TSPAN7: variants seen among roughly 807,000 people sequenced by gnomAD.
TSPAN7 encodes the protein tetraspanin-7.
Under a neutral mutation model 17.6 loss-of-function variants are expected in TSPAN7, and 1 was observed. The observed-to-expected ratio is 0.06, with a 90% CI of 0.02 to 0.27. TSPAN7 has a LOEUF of 0.27. Among genes scored for constraint, TSPAN7 ranks in the 10% least tolerant of loss-of-function variants. The pLI is 1.00. For missense variants in TSPAN7, 112 were observed against 201.7 expected (o/e 0.56, Z 2.69); for synonymous variants, 78 against 79.0 (o/e 0.99, Z 0.07).
intron 1 of TSPAN7, among the ~76,000 whole-genome samples, chrX:38,580,037 T>C (rs1315977248): frequency 8.9e-6 from 1 of 112,751 alleles, no homozygotes; most frequent in African/African-American, 3.2e-5. Flanking sequence ...TTGCTCAACA[T>C]TGTTTAATAT....
chrX:38,621,761 A>G (rs2069489802), intron 1 of TSPAN7, among the ~76,000 whole-genome samples: 1 of 112,260 alleles, frequency 8.9e-6, no homozygotes, highest in African/African-American at 3.2e-5. Context: ...ATAAAAATGC[A>G]GTAGCTTCCT....
At chrX:38,673,962 G>C (rs1487625390) in intron 3 of TSPAN7, among the ~76,000 whole-genome samples, 1 of 111,475 alleles carries the variant, frequency 9.0e-6, no homozygotes, top group Non-Finnish European at 1.9e-5. Flanking sequence ...AAATGGACAG[G>C]CCCCTCCAGT....
At chrX:38,674,433 C>T (rs2069840591) in intron 4 of TSPAN7, 117 bp downstream of exon 4, 8 of 641,968 alleles carry the variant, frequency 1.2e-5, no homozygotes, top group Non-Finnish European at 1.5e-5. Flanking sequence ...AACTCTTAGT[C>T]CAGTTCCATT....
chrX:38,655,033 C>T (rs773955245), intron 1 of TSPAN7, among the ~76,000 whole-genome samples: 1 of 112,009 alleles, frequency 8.9e-6, no homozygotes, highest in East Asian at 2.8e-4. Flanking sequence ...GAGGCTGCAG[C>T]AGAGTGAACC....
intron 1 of TSPAN7, among the ~76,000 whole-genome samples, chrX:38,601,721 G>A (rs1034218075): frequency 3.0e-4 from 33 of 111,726 alleles, no homozygotes; most frequent in African/African-American, 1.1e-3. Context: ...CCCAAACTTC[G>A]CAGCTGAAGA....
At chrX:38,653,187 T>A (rs764583418) in intron 1 of TSPAN7, among the ~76,000 whole-genome samples, 23 of 112,088 alleles carry the variant, frequency 2.1e-4, no homozygotes, top group African/African-American at 7.4e-4. Flanking sequence ...ATAAATGTGA[T>A]GAAGCGTATA....
intron 1 of TSPAN7, among the ~76,000 whole-genome samples, chrX:38,595,561 C>G (rs758105759): frequency 1.5e-4 from 17 of 111,845 alleles, no homozygotes; most frequent in Admixed American, 1.1e-3. Context: ...GAGAAGAAGT[C>G]AAATGAAGAC....
intron 1 of TSPAN7, among the ~76,000 whole-genome samples, chrX:38,603,663 A>AC (rs2069359277): frequency 9.0e-6 from 1 of 111,437 alleles, no homozygotes; most frequent in East Asian, 2.8e-4. Flanking sequence ...CCATTTGTAT[A>AC]AAATGATCCA....
chrX:38,654,533 T>TA (rs2069691312), intron 1 of TSPAN7, among the ~76,000 whole-genome samples: 1 of 112,509 alleles, frequency 8.9e-6, no homozygotes, highest in Admixed American at 9.4e-5. Context: ...TGAGTGCAAC[T>TA]GCCAGGGCCT....
intron 1 of TSPAN7, among the ~76,000 whole-genome samples, chrX:38,657,456 T>C (rs2069711181): frequency 1.8e-5 from 2 of 111,951 alleles, no homozygotes; most frequent in African/African-American, 6.5e-5. Context: ...ATTCAGTCTC[T>C]AGCCAGCCAC....
At chrX:38,584,663 G>C (rs1488172326) in intron 1 of TSPAN7, among the ~76,000 whole-genome samples, 1 of 111,853 alleles carries the variant, frequency 8.9e-6, no homozygotes, top group Admixed American at 9.5e-5. Flanking sequence ...GTAAAAGGCT[G>C]CAAAAATATT....
intron 1 of TSPAN7, among the ~76,000 whole-genome samples, chrX:38,593,024 G>C (rs1418769921): frequency 2.7e-5 from 3 of 109,848 alleles, no homozygotes; most frequent in Non-Finnish European, 5.7e-5. Context: ...AGATATTTTT[G>C]CTAGTATAGA....
At chrX:38,574,064 C>T (rs1041721626) in intron 1 of TSPAN7, among the ~76,000 whole-genome samples, 1 of 112,118 alleles carries the variant, frequency 8.9e-6, no homozygotes, top group Non-Finnish European at 1.9e-5. Context: ...GAGTTATGTT[C>T]TACCTCCTTA....
rs757685320 is a variant in TSPAN7 at position 38,688,007 on chromosome X, A to G, written c.*76A>G. 1.8e-3 allele frequency: 335 copies of G among 181,427 alleles called. No individual in the cohort carries two copies. The highest frequency in any genetic ancestry group is 9.7e-3 in the African/African-American group (326 of 33,552). 15.0% of individuals were successfully genotyped at this position (181,427 alleles called of 1,213,427 possible). On this transcript the variant is annotated 3_prime_UTR_variant, in exon 8 of 8. Coordinates refer to ENST00000378482, the MANE Select transcript of TSPAN7 (RefSeq NM_004615.4). ...CTGCAGCAATCTTTGAAAGACTTCCAAAGAATGTTAGAGCACAGTACATAA... is the reference window on the plus strand; with the variant it reads ...CTGCAGCAATCTTTGAAAGACTTCCGAAGAATGTTAGAGCACAGTACATAA...
chrX:38,591,325 T>TGGAGATTTTTCC (rs1165692925), intron 1 of TSPAN7, among the ~76,000 whole-genome samples: 5 of 111,877 alleles, frequency 4.5e-5, no homozygotes, highest in Non-Finnish European at 7.5e-5. Context: ...CATTTTCAAA[T>TGGAGATTTTTCC]GGAGATTTTT....
At chrX:38,661,473 C>G (rs1248274492) in intron 1 of TSPAN7, among the ~76,000 whole-genome samples, 2 of 112,024 alleles carry the variant, frequency 1.8e-5, no homozygotes, top group African/African-American at 6.5e-5. Context: ...TGTAAGCACA[C>G]AGAAAATGAG....
At chrX:38,568,997 AAT>A (rs1220893500) in intron 1 of TSPAN7, among the ~76,000 whole-genome samples, 1 of 111,061 alleles carries the variant, frequency 9.0e-6, no homozygotes, top group Non-Finnish European at 1.9e-5. Flanking sequence ...TCTCTCTGAA[AAT>A]ATTAGTAATT....
At chrX:38,671,948 T>G (rs1352569365) in intron 3 of TSPAN7, among the ~76,000 whole-genome samples, 2 of 111,036 alleles carry the variant, frequency 1.8e-5, no homozygotes, top group African/African-American at 6.6e-5. Flanking sequence ...CTTAGGAGGC[T>G]GAGGAGGGAG....
At chrX:38,681,406 T>G in intron 6 of TSPAN7, 119 bp downstream of exon 6, 2 of 605,607 alleles carry the variant, frequency 3.3e-6, no homozygotes, top group East Asian at 6.6e-5. Flanking sequence ...GGGTCAAAGC[T>G]CCTTGCTCAT....
Sources: gnomAD v4.1 joint callset for allele counts (sites outside exome capture counted in the v4.1 genomes callset) on GRCh38, gnomAD v4.1.1 for gene constraint, MANE v1.5 for transcripts, NCBI Gene and HGNC (gene_info 2026-07-23, HGNC 2026-07-21) for gene names.